TMEM108: variants seen among roughly 807,000 people sequenced by gnomAD.
TMEM108 encodes cancer/testis antigen 124.
In TMEM108, 12 loss-of-function variants were observed where a neutral mutation model predicts 35.1. That is an observed-to-expected ratio of 0.34 (90% confidence interval 0.22 to 0.55). TMEM108 has a LOEUF of 0.55. TMEM108 is among the 20% of genes least tolerant of loss of function. TMEM108 has a pLI of 0.89. For missense variants in TMEM108, 680 were observed against 753.3 expected, an observed-to-expected ratio of 0.90 and a Z score of 1.14; for synonymous variants, 287 against 308.6, an observed-to-expected ratio of 0.93 and a Z score of 0.73.
At chr3:133,313,284 G>T (rs768963902) in intron 3 of TMEM108, among the ~76,000 whole-genome samples, 25 of 150,986 alleles carry the variant, frequency 1.7e-4, no homozygotes, top group Non-Finnish European at 2.9e-4. Flanking sequence ...TGCAAGCTCC[G>T]CCTCCCGGGT....
At chr3:133,276,930 T>C (rs531370424) in intron 3 of TMEM108, among the ~76,000 whole-genome samples, 4 of 152,246 alleles carry the variant, frequency 2.6e-5, no homozygotes, top group African/African-American at 9.6e-5. Flanking sequence ...TGACAGACTA[T>C]GGAGAGGATG....
chr3:133,063,231 C>A (rs78066128), intron 2 of TMEM108, among the ~76,000 whole-genome samples: 4,206 of 152,106 alleles, frequency 0.028, 103 homozygotes, highest in South Asian at 0.061. Flanking sequence ...ATCTCTGTGG[C>A]TACTGAATTC....
intron 3 of TMEM108, among the ~76,000 whole-genome samples, chr3:133,315,188 A>G (rs1389129262): frequency 6.6e-6 from 1 of 152,220 alleles, no homozygotes; most frequent in Non-Finnish European, 1.5e-5. Flanking sequence ...TACTGAAGAA[A>G]GTAAAGGCAT....
chr3:133,096,959 G>T (rs1385276256), intron 2 of TMEM108, among the ~76,000 whole-genome samples: 4 of 152,326 alleles, frequency 2.6e-5, no homozygotes, highest in African/African-American at 9.6e-5. Flanking sequence ...AGAGCCAGTT[G>T]TCTGTGTTAG....
At chr3:133,253,461 A>G (rs1340491938) in intron 3 of TMEM108, 1 of 152,178 alleles carries the variant, frequency 6.6e-6, no homozygotes, top group Non-Finnish European at 1.5e-5. Flanking sequence ...CCCTAAAAAA[A>G]CAACAAAAAT....
At chr3:133,328,767 T>G (rs2071360579) in intron 3 of TMEM108, among the ~76,000 whole-genome samples, 1 of 152,158 alleles carries the variant, frequency 6.6e-6, no homozygotes, top group South Asian at 2.1e-4. Context: ...TTTATTTTAC[T>G]TTTAGTTTCC....
intron 2 of TMEM108, among the ~76,000 whole-genome samples, chr3:133,163,220 G>A (rs1478765031): frequency 6.6e-6 from 1 of 151,978 alleles, no homozygotes; most frequent in Non-Finnish European, 1.5e-5. Context: ...TTTCTGAGAT[G>A]GGCTACGGGC....
chr3:133,066,143 A>G (rs1275725153), intron 2 of TMEM108, among the ~76,000 whole-genome samples: 1 of 152,102 alleles, frequency 6.6e-6, no homozygotes, highest in Non-Finnish European at 1.5e-5. Flanking sequence ...CCCATTACTT[A>G]GACTCGTCTT....
intron 2 of TMEM108, among the ~76,000 whole-genome samples, chr3:133,048,900 C>G (rs1943370538): frequency 6.6e-6 from 1 of 152,152 alleles, no homozygotes; most frequent in African/African-American, 2.4e-5. Flanking sequence ...AGTTTTTGTT[C>G]TAGTACTACT....
At chr3:133,258,710 A>G (rs987314185) in intron 3 of TMEM108, among the ~76,000 whole-genome samples, 1 of 152,190 alleles carries the variant, frequency 6.6e-6, no homozygotes, top group Non-Finnish European at 1.5e-5. Flanking sequence ...GGTCATCCCC[A>G]AAACTTTGCA....
intron 2 of TMEM108, among the ~76,000 whole-genome samples, chr3:133,199,062 C>A (rs939868850): frequency 3.3e-5 from 5 of 152,204 alleles, no homozygotes; most frequent in African/African-American, 1.2e-4. Context: ...GATACCCTTT[C>A]TTCCACTTGA....
intron 2 of TMEM108, among the ~76,000 whole-genome samples, chr3:133,227,536 G>A (rs916341113): frequency 7.9e-5 from 12 of 151,536 alleles, no homozygotes; most frequent in Admixed American, 7.9e-4. Context: ...TGTGAGGTAG[G>A]TAGAATTCTT....
chr3:133,370,256 C>G (rs1033701940), intron 3 of TMEM108, among the ~76,000 whole-genome samples: 2 of 151,588 alleles, frequency 1.3e-5, no homozygotes, highest in African/African-American at 4.9e-5. Flanking sequence ...GCTGTGACAG[C>G]TGCTCAGACC....
At chr3:133,348,310 A>G (rs1014190012) in intron 3 of TMEM108, among the ~76,000 whole-genome samples, 3 of 152,136 alleles carry the variant, frequency 2.0e-5, no homozygotes, top group African/African-American at 7.2e-5. Flanking sequence ...TGGGCAAAGG[A>G]TAAGTCAGTA....
chr3:133,059,277 TATTC>T (rs1483725416), intron 2 of TMEM108, among the ~76,000 whole-genome samples: 1 of 152,226 alleles, frequency 6.6e-6, no homozygotes. Context: ...TAATTTGTCT[TATTC>T]ATTCCCTTTA....
chr3:133,102,691 C>T (rs9879587), intron 2 of TMEM108, among the ~76,000 whole-genome samples: 32,885 of 152,078 alleles, frequency 0.22, 4,340 homozygotes, highest in Non-Finnish European at 0.3. Context: ...TGAAAATATA[C>T]GTATCACATA....
At position 133,308,796 on chromosome 3, in the gene TMEM108, C is replaced by T. The variant is rs150312463; in HGVS notation, c.41-70956C>T. Among the ~76,000 whole-genome samples the T allele has an allele frequency of 1.5e-3, 231 of 152,324 alleles. 6 individuals are homozygous for T. The South Asian group carries it at 0.03, about 20-fold the overall frequency. On this transcript the variant is annotated intron_variant, in intron 3 of 5. Coordinates refer to ENST00000321871, the MANE Select transcript of TMEM108 (RefSeq NM_023943.4). Reference sequence around the variant, plus strand: ...TATTGAGGATTTTCACATCAGTATTCATCAGGGATATTGGTCTAAAATTCT... The same window carrying T: ...TATTGAGGATTTTCACATCAGTATTTATCAGGGATATTGGTCTAAAATTCT...
chr3:133,173,325 A>C (rs749994993), intron 2 of TMEM108, among the ~76,000 whole-genome samples: 1 of 152,224 alleles, frequency 6.6e-6, no homozygotes, highest in African/African-American at 2.4e-5. Flanking sequence ...CTATGTACAC[A>C]TGTGAAATTT....
chr3:133,334,131 AAAG>A (rs2071445174), intron 3 of TMEM108, among the ~76,000 whole-genome samples: 1 of 152,174 alleles, frequency 6.6e-6, no homozygotes, highest in Admixed American at 6.5e-5. Flanking sequence ...AAAAAAGAAA[AAAG>A]AAGTGAGTTT....
Sources: allele counts gnomAD v4.1 joint callset (sites outside exome capture counted in the v4.1 genomes callset), GRCh38; gene constraint gnomAD v4.1.1; transcripts MANE v1.5; gene names NCBI Gene and HGNC (gene_info 2026-07-23, HGNC 2026-07-21).